The following CDK11A variants were observed in gnomAD, a reference collection of about 807,000 sequenced individuals.
CDK11A encodes cyclin-dependent kinase 11A.
Under a neutral mutation model 83.6 loss-of-function variants are expected in CDK11A, and 55 were observed. The ratio of observed to expected loss-of-function variants is 0.66; its 90% CI spans 0.53 to 0.82. The LOEUF (loss-of-function observed/expected upper bound fraction) is 0.82, where lower values mean the gene tolerates loss of function less well. Among genes scored for constraint, CDK11A ranks in the 40% least tolerant of loss-of-function variants. The probability of loss-of-function intolerance (pLI) is 0.00; values close to 1 mark genes in which losing one functional copy is unlikely to be tolerated. For missense variants in CDK11A, 564 were observed against 810.1 expected (o/e 0.70, Z 3.69); for synonymous variants, 247 against 302.7 (o/e 0.82, Z 1.91).
At chr1:1,706,168 G>A (rs1430899257) in intron 11 of CDK11A, among the ~76,000 whole-genome samples, 4 of 150,372 alleles carry the variant, frequency 2.7e-5, no homozygotes, top group African/African-American at 4.9e-5. Context: ...CACCTCCTGG[G>A]TTCAGGCGAT....
rs1487019289 is a variant in CDK11A, at chr1:1,722,708, A to G, written c.111T>C (p.Asn37=). ...ACTTACTTAAAAAAATATGGCTTAC[A>G]TTTTTTAAGCGTTTTATCTCTGCTT... The part of the protein sequence containing the change: ...EEKAEIKRLK[N]SDDRDSKRDS... Residue 37 remains asparagine (N), a splice_region_variant and synonymous_variant, in exon 2 of 20, where the codon AAT becomes AAC. Coordinates refer to ENST00000404249, the MANE Select transcript of CDK11A (RefSeq NM_024011.4). The G allele has an allele frequency of 1.9e-6, 3 of 1,555,302 alleles. No individual in the cohort carries two copies. Among genetic ancestry groups the G allele is most frequent in the Non-Finnish European group, 1.7e-6 (2 of 1,149,866 alleles).
intron 2 of CDK11A, chr1:1,722,372 ATAT>A (rs1321792320): frequency 8.0e-6 from 3 of 374,594 alleles, no homozygotes; most frequent in African/African-American, 5.9e-5. Flanking sequence ...TAAAATATTT[ATAT>A]TAATTTCAAG....
rs1233930044 is a variant in CDK11A, at chr1:1,702,815, G to A, written c.*92C>T. On this transcript the variant is annotated 3_prime_UTR_variant, in exon 20 of 20. Transcript: ENST00000404249. The stretch of plus-strand genomic sequence containing the variant: ...CAAAACATGGAGCACAAAGTAAGAC[G>A]AGGAGTTCCGAGTCTCATCGCAGCT... 1.5e-4 allele frequency: 57 copies of A among 390,378 alleles called. No homozygotes were observed. Among genetic ancestry groups the A allele is most frequent in the Non-Finnish European group, 6.6e-5 (14 of 213,596 alleles). The allele number at this position is 390,378 out of a possible 1,614,324, so 24.2% of individuals were successfully genotyped here.
chr1:1,720,132 C>T lies in CDK11A; in HGVS notation c.228-677G>A, dbSNP rs1162312234. 2.3e-4 allele frequency among the ~76,000 whole-genome samples: 34 copies of T among 150,228 alleles called. 1 individual carries two copies. Among genetic ancestry groups the T allele is most frequent in the African/African-American group, 6.9e-4 (28 of 40,794 alleles). Reference sequence around the variant, plus strand: ...ATTTGAGATTGGAGTCTTGCTCTGTCGCCCAGGCTGGAGGGCAGTGGCGAG... The same window carrying T: ...ATTTGAGATTGGAGTCTTGCTCTGTTGCCCAGGCTGGAGGGCAGTGGCGAG... On this transcript the variant is annotated intron_variant, in intron 3 of 19. Coordinates refer to ENST00000404249, the MANE Select transcript of CDK11A (RefSeq NM_024011.4).
At chr1:1,724,211 C>G (rs1423608630) in intron 1 of CDK11A, 47 bp downstream of exon 1, 1 of 151,394 alleles carries the variant, frequency 6.6e-6, no homozygotes, top group Non-Finnish European at 1.5e-5. Flanking sequence ...CCTCGGTGCG[C>G]AGTTCTCGTC....
chr1:1,715,019 G>T (rs901173170), intron 5 of CDK11A, among the ~76,000 whole-genome samples: 2 of 148,148 alleles, frequency 1.3e-5, no homozygotes, highest in Non-Finnish European at 3.0e-5. Flanking sequence ...AGGCAGCAAG[G>T]AAACTGCAGG....
rs368885422 is a variant in CDK11A, at chr1:1,712,820, T to C, written c.489-420A>G. Among the ~76,000 whole-genome samples the C allele has an allele frequency of 1.7e-3, 64 of 38,726 alleles. 14 individuals are homozygous for C. The highest frequency in any genetic ancestry group is 0.014 in the East Asian group (23 of 1,650). 25.4% of individuals were successfully genotyped at this position (38,726 alleles called of 152,430 possible). ...CCCGAGCCACCGTGCCCAGCTGCCA[T>C]TTCCAATTCTAATTAATAAATGATC... On this transcript the variant is annotated intron_variant, in intron 5 of 19. Coordinates refer to ENST00000404249, the MANE Select transcript of CDK11A (RefSeq NM_024011.4).
chr1:1,719,262 G>A lies in CDK11A; in HGVS notation c.355+66C>T, dbSNP rs537114073. The A allele has an allele frequency of 4.0e-4, 546 of 1,356,024 alleles. 14 individuals are homozygous for A. The African/African-American group carries it at 6.8e-3, about 17-fold the overall frequency. 84.0% of individuals were successfully genotyped at this position (1,356,024 alleles called of 1,614,324 possible). A position where few individuals can be genotyped will look rare whatever the true frequency, so the allele number is the denominator to read the frequency against. ...TTTCAGTGGTGCTCTGGGGAAGGCA[G>A]AAGAGTAGGAACAGGAAAGAAACCA... is the stretch of plus-strand genomic sequence containing the variant. On this transcript the variant is annotated intron_variant, in intron 4 of 19. Transcript: ENST00000404249.
intron 3 of CDK11A, among the ~76,000 whole-genome samples, chr1:1,720,649 A>G (rs200900696): frequency 6.6e-6 from 1 of 150,594 alleles, no homozygotes; most frequent in Admixed American, 6.7e-5. Context: ...CACCCGCCTC[A>G]GCCTCCCAAA....
intron 13 of CDK11A, 72 bp from the exon 14 acceptor site, chr1:1,704,727 CT>C (rs1644244951): frequency 6.2e-7 from 1 of 1,601,292 alleles, no homozygotes; most frequent in African/African-American, 1.3e-5. Flanking sequence ...GGCGCAGATG[CT>C]GAGGGACAGT....
Position 1,703,540 on chromosome 1 carries a change from A to G in CDK11A, c.1996T>C (p.Tyr666His), listed in dbSNP as rs761254847. 3.8e-6 allele frequency: 6 copies of G among 1,565,426 alleles called. No homozygotes were observed. The highest frequency in any genetic ancestry group is 5.1e-6 in the Non-Finnish European group (6 of 1,166,272). The change falls in exon 18 of 20, where the codon TAC becomes CAC. Residue 666 changes from tyrosine to histidine, a missense_variant. This residue lies in a region of CDK11A where 361 missense variants were observed against 402.7 expected (regional missense o/e 0.90). Coordinates refer to ENST00000404249, the MANE Select transcript of CDK11A (RefSeq NM_024011.4). ...CCGAAGCGCTTGCGGAGGTTGTTGT[A>G]GGGGTGCTCGCTGAAGGTCATCTTT... ...VKKMTFSEHP[Y>H]NNLRKRFGAL...
intron 3 of CDK11A, among the ~76,000 whole-genome samples, chr1:1,720,967 C>T (rs1204196652): frequency 2.0e-5 from 3 of 150,872 alleles, no homozygotes; most frequent in African/African-American, 4.9e-5. Flanking sequence ...TCGTGGCTCG[C>T]ACCTGTAATC....
Position 1,703,811 on chromosome 1 carries a change from G to A in CDK11A, c.1911+13C>T, listed in dbSNP as rs1397258981. On this transcript the variant is annotated intron_variant, in intron 17 of 19. Coordinates refer to ENST00000404249, the MANE Select transcript of CDK11A (RefSeq NM_024011.4). ...TGAAATCCATAGCGCACCTGCGGCA[G>A]GGCCAGACCCACCTTGAACACTTTG... 1.9e-6 allele frequency: 3 copies of A among 1,609,320 alleles called. No individual in the cohort carries two copies.
At position 1,716,452 on chromosome 1, in the gene CDK11A, C is replaced by G. The variant is rs1557794182; in HGVS notation, c.382G>C (p.Glu128Gln). The G allele has an allele frequency of 1.2e-6, 2 of 1,608,764 alleles. 1 individual carries two copies. Among genetic ancestry groups the G allele is most frequent in the Non-Finnish European group, 1.7e-6 (2 of 1,176,384 alleles). Residue 128 changes from glutamate (E) to glutamine (Q), a missense_variant, in exon 5 of 20, where the codon GAG becomes CAG. By Grantham distance (29) the Glu-to-Gln change is conservative. Coordinates refer to ENST00000404249, the MANE Select transcript of CDK11A (RefSeq NM_024011.4). ...CGATGTCGTTTCCGACGTTCGTGCTCTCTTTCTTTCACTCTAGCATGCTTC... is the reference window on the plus strand; with the variant it reads ...CGATGTCGTTTCCGACGTTCGTGCTGTCTTTCTTTCACTCTAGCATGCTTC... ...GGKHARVKER[E>Q]HERRKRHREE...
chr1:1,715,342 A>G (rs1570410234), intron 5 of CDK11A, among the ~76,000 whole-genome samples: 1 of 125,440 alleles, frequency 8.0e-6, no homozygotes, highest in Non-Finnish European at 1.8e-5. Context: ...TGCCCCCAAC[A>G]ATTTTTGTTC....
chr1:1,720,390 C>T (rs1248742304), intron 3 of CDK11A, among the ~76,000 whole-genome samples: 3 of 149,282 alleles, frequency 2.0e-5, no homozygotes, highest in African/African-American at 7.4e-5. Context: ...AGCCGCCACG[C>T]CCGGCCTGTA....
Position 1,719,469 on chromosome 1 carries a change from C to G in CDK11A, c.228-14G>C, listed in dbSNP as rs1170486650. ...TCTTCTTCTCCTCTGAAATAAAACA[C>G]AACAGCACTGCGTCATGCTTGAGAA... On this transcript the variant is annotated splice_polypyrimidine_tract_variant and intron_variant, in intron 3 of 19. Transcript: ENST00000404249. The G allele has an allele frequency of 1.4e-6, 2 of 1,473,086 alleles. No individual in the cohort carries two copies. The highest frequency in any genetic ancestry group is 1.8e-6 in the Non-Finnish European group (2 of 1,112,656). 91.3% of individuals were successfully genotyped at this position (1,473,086 alleles called of 1,614,324 possible).
chr1:1,717,389 G>A (rs939217914), intron 4 of CDK11A, among the ~76,000 whole-genome samples: 1 of 151,034 alleles, frequency 6.6e-6, no homozygotes, highest in Non-Finnish European at 1.5e-5. Context: ...ACACCCGTAA[G>A]AATCTCCTGA....
At chr1:1,717,655 T>G (rs76123672) in intron 4 of CDK11A, among the ~76,000 whole-genome samples, 1 of 18,294 alleles carries the variant, frequency 5.5e-5, no homozygotes, top group Non-Finnish European at 2.3e-4. Context: ...GACACACGCA[T>G]GCTTTCAGCT....
Sources: allele counts gnomAD v4.1 joint callset (sites outside exome capture counted in the v4.1 genomes callset), GRCh38; gene constraint gnomAD v4.1.1; regional missense constraint gnomAD v4.1.1; transcripts MANE v1.5; gene names NCBI Gene and HGNC (gene_info 2026-07-23, HGNC 2026-07-21).